The following TXNDC11 variants were observed in gnomAD, a reference collection of about 807,000 sequenced individuals.
TXNDC11 encodes thioredoxin domain containing 11.
In TXNDC11, 68 loss-of-function variants were observed where a neutral mutation model predicts 78.0. The observed-to-expected ratio is 0.87, with a 90% CI of 0.72 to 1.07. The LOEUF is 1.07. TXNDC11 is among the 50% of genes least tolerant of loss of function. The probability of loss-of-function intolerance (pLI) is 0.00; values close to 1 mark genes in which losing one functional copy is unlikely to be tolerated. For synonymous variants in TXNDC11, 571 were observed against 495.2 expected (o/e 1.15, Z -2.03); for missense variants, 1,389 against 1,221.8 (o/e 1.14, Z -2.04).
At chr16:11,686,215 C>G (rs893052926) in intron 10 of TXNDC11, among the ~76,000 whole-genome samples, 1 of 152,222 alleles carries the variant, frequency 6.6e-6, no homozygotes, top group Non-Finnish European at 1.5e-5. Flanking sequence ...ACCTCGGCCT[C>G]CCAACATGCT....
At chr16:11,682,464 A>AGAAC (rs1420894618) in intron 11 of TXNDC11, among the ~76,000 whole-genome samples, 1 of 152,220 alleles carries the variant, frequency 6.6e-6, no homozygotes, top group Non-Finnish European at 1.5e-5. Flanking sequence ...AGGCAGCCTA[A>AGAAC]GAACGAAGGT....
intron 4 of TXNDC11, among the ~76,000 whole-genome samples, chr16:11,728,321 CAATT>C (rs1210957436): frequency 6.6e-6 from 1 of 152,100 alleles, no homozygotes; most frequent in Non-Finnish European, 1.5e-5. Context: ...AGTTGTTTCA[CAATT>C]AATAAAGTAC....
At chr16:11,727,428 A>T (rs2051915715) in intron 4 of TXNDC11, among the ~76,000 whole-genome samples, 1 of 152,222 alleles carries the variant, frequency 6.6e-6, no homozygotes, top group African/African-American at 2.4e-5. Flanking sequence ...AACACACTTG[A>T]TACTGAAATC....
At chr16:11,721,351 G>C (rs1050205596) in intron 5 of TXNDC11, 15 of 290,556 alleles carry the variant, frequency 5.2e-5, no homozygotes, top group African/African-American at 3.4e-4. Context: ...TGAGGCAGGA[G>C]AATCGCTTGA....
In TXNDC11 at chr16:11,730,791, A is replaced by C. The variant is rs1286373838; in HGVS notation, c.570-17T>G. 3.3e-6 allele frequency: 5 copies of C among 1,496,964 alleles called. 1 individual carries two copies. Among genetic ancestry groups the C allele is most frequent in the Middle Eastern group, 4.0e-4 (2 of 5,054 alleles). The allele number at this position is 1,496,964 out of a possible 1,614,324, so 92.7% of individuals were successfully genotyped here. A position where few individuals can be genotyped will look rare whatever the true frequency, so the allele number is the denominator to read the frequency against. The stretch of plus-strand genomic sequence containing the variant: ...GGTCCAAAACTAGTACCAAAAAATA[A>C]AAATAAAAATAAAAATAATAAAAAT... On this transcript the variant is annotated splice_polypyrimidine_tract_variant and intron_variant, in intron 3 of 11. Coordinates refer to ENST00000283033, the MANE Select transcript of TXNDC11 (RefSeq NM_015914.7).
At chr16:11,705,626 C>CT (rs1238842909) in intron 5 of TXNDC11, among the ~76,000 whole-genome samples, 3 of 152,210 alleles carry the variant, frequency 2.0e-5, no homozygotes, top group African/African-American at 7.2e-5. Flanking sequence ...ATTCAAAAAC[C>CT]TGTTTAACTG....
intron 7 of TXNDC11, among the ~76,000 whole-genome samples, chr16:11,695,155 C>T (rs1025996022): frequency 3.3e-5 from 5 of 152,180 alleles, no homozygotes; most frequent in African/African-American, 9.7e-5. Context: ...CTCTCTAGAA[C>T]TCTCTAGAGA....
At chr16:11,709,794 A>G (rs1251062312) in intron 5 of TXNDC11, among the ~76,000 whole-genome samples, 2 of 152,168 alleles carry the variant, frequency 1.3e-5, no homozygotes, top group Non-Finnish European at 2.9e-5. Context: ...AGTTCCAAGT[A>G]CATGATTTTA....
chr16:11,690,285 C>A (rs1170970633), intron 8 of TXNDC11, among the ~76,000 whole-genome samples: 1 of 152,214 alleles, frequency 6.6e-6, no homozygotes, highest in East Asian at 1.9e-4. Context: ...TGGGTCAGCC[C>A]AATGTTGCTG....
At chr16:11,717,289 GGTAGTGGGCGCA>G (rs962108078) in intron 5 of TXNDC11, among the ~76,000 whole-genome samples, 20 of 151,690 alleles carry the variant, frequency 1.3e-4, no homozygotes, top group African/African-American at 4.1e-4. Flanking sequence ...AGGCGGGCGT[GGTAGTGGGCGCA>G]GTAGTGGGCG....
chr16:11,703,760 AG>A, intron 5 of TXNDC11: 1 of 700,872 alleles, frequency 1.4e-6, no homozygotes, highest in Non-Finnish European at 2.6e-6. Context: ...GCTGGGGTGA[AG>A]AAAGTACAAG....
Position 11,679,625 on chromosome 16 carries a change from C to A in TXNDC11, c.2447G>T (p.Ser816Ile), listed in dbSNP as rs1427400535. The A allele has an allele frequency of 1.9e-6, 3 of 1,614,100 alleles. No homozygotes were observed. The highest frequency in any genetic ancestry group is 3.3e-5 in the Admixed American group (2 of 60,006). Residue 816 changes from serine to isoleucine, a missense_variant, in exon 12 of 12, where the codon AGC becomes ATC. Ser to Ile is a moderately radical substitution (Grantham distance 142). Coordinates refer to ENST00000283033, the MANE Select transcript of TXNDC11 (RefSeq NM_015914.7). This position sits in a 1 kb window ranked among gnomAD's most constrained non-coding sequence, Gnocchi z 4.6. ...EIQKLRAEIS[S>I]LQRAQVQVES... Reference sequence around the variant, plus strand: ...CACCTGCACTTGTGCTCGCTGGAGGCTGCTTATTTCTGCTCTCAGTTTCTG... The same window carrying A: ...CACCTGCACTTGTGCTCGCTGGAGGATGCTTATTTCTGCTCTCAGTTTCTG...
rs1464481600 is a variant in TXNDC11 at position 11,691,616 on chromosome 16, C to A, written c.1574G>T (p.Gly525Val). Residue 525 changes from glycine to valine, a missense_variant, in exon 8 of 12, where the codon GGT becomes GTT. Transcript: ENST00000283033. ...GVSGFIDSEQ[G>V]VFEAPTVAFS... ...TGCAACAGTAGGGGCTTCAAAGACA[C>A]CTTGTTCAGAGTCGATGAAGCCTGA... 1 of 1,614,194 alleles carries A rather than the reference C, an allele frequency of 6.2e-7. No individual in the cohort carries two copies. Among genetic ancestry groups the A allele is most frequent in the Non-Finnish European group, 8.5e-7 (1 of 1,180,048 alleles).
intron 4 of TXNDC11, among the ~76,000 whole-genome samples, chr16:11,722,100 G>C (rs1280557003): frequency 2.0e-5 from 3 of 152,110 alleles, no homozygotes; most frequent in Non-Finnish European, 4.4e-5. Context: ...GTTTCTTCTT[G>C]AATCTCTCTC....
At chr16:11,734,181 TGAAACA>T (rs1201837842) in intron 2 of TXNDC11, 102 bp from the exon 3 acceptor site, 1 of 798,916 alleles carries the variant, frequency 1.3e-6, no homozygotes, top group African/African-American at 1.8e-5. Flanking sequence ...CCTCTCTCAC[TGAAACA>T]GAAACTATGA....
intron 5 of TXNDC11, among the ~76,000 whole-genome samples, chr16:11,710,078 G>A (rs902190467): frequency 6.6e-6 from 1 of 152,244 alleles, no homozygotes. Context: ...AGGAGGCAGA[G>A]ACTGCAGCGA....
At chr16:11,705,261 T>C (rs1677945046) in intron 5 of TXNDC11, among the ~76,000 whole-genome samples, 1 of 152,174 alleles carries the variant, frequency 6.6e-6, no homozygotes. Context: ...ATGTTAACAA[T>C]GGGGGAAACT....
Position 11,679,167 on chromosome 16 carries a change from C to T in TXNDC11, c.*28G>A. 6.2e-7 allele frequency: 1 copy of T among 1,603,322 alleles called. No individual in the cohort carries two copies. The highest frequency in any genetic ancestry group is 2.2e-5 in the East Asian group (1 of 44,766). On this transcript the variant is annotated 3_prime_UTR_variant, in exon 12 of 12. Coordinates refer to ENST00000283033, the MANE Select transcript of TXNDC11 (RefSeq NM_015914.7). This position sits in a 1 kb window ranked among gnomAD's most constrained non-coding sequence, Gnocchi z 4.6. ...TATATTCCCAATGTACAATTTTCAC[C>T]TCTGATTTCTTCATATCATTTAAAA...
chr16:11,684,021 G>C (rs925403947), intron 11 of TXNDC11, 144 bp downstream of exon 11: 62 of 565,626 alleles, frequency 1.1e-4, no homozygotes, highest in Middle Eastern at 8.5e-4. Context: ...AAAGTGCTGG[G>C]ATTACAGGCA....
Sources: gnomAD v4.1 joint callset for allele counts (sites outside exome capture counted in the v4.1 genomes callset) on GRCh38, gnomAD v4.1.1 for gene constraint, Gnocchi (gnomAD v3.1) non-coding constraint, MANE v1.5 for transcripts, NCBI Gene and HGNC (gene_info 2026-07-23, HGNC 2026-07-21) for gene names.